Variants in ADGRL4 observed in about 807,000 individuals in gnomAD.
ADGRL4 encodes adhesion G protein-coupled receptor L4.
In ADGRL4, 90 loss-of-function variants were observed where a neutral mutation model predicts 74.8. The ratio of observed to expected loss-of-function variants is 1.20; its 90% confidence interval spans 1.02 to 1.43. The LOEUF is 1.43. Ranked by LOEUF, ADGRL4 falls within the 40% of genes most tolerant of loss-of-function variation. The pLI, the probability that ADGRL4 is intolerant of heterozygous loss-of-function variation, is 0.00. For missense variants in ADGRL4, 881 were observed against 814.3 expected (o/e 1.08, Z -1.00); for synonymous variants, 311 against 279.2 (o/e 1.11, Z -1.14).
chr1:78,903,583 A>G (rs528410136), intron 12 of ADGRL4, among the ~76,000 whole-genome samples: 2 of 152,152 alleles, frequency 1.3e-5, no homozygotes, highest in Non-Finnish European at 2.9e-5. Context: ...CATATTCATG[A>G]AATGTTTAGA....
chr1:78,949,059 A>C (rs1649669899), intron 2 of ADGRL4, among the ~76,000 whole-genome samples: 1 of 152,118 alleles, frequency 6.6e-6, no homozygotes, highest in African/African-American at 2.4e-5. Flanking sequence ...ACTTTAAAAG[A>C]AATTGGCTCT....
intron 2 of ADGRL4, among the ~76,000 whole-genome samples, chr1:78,996,027 G>T (rs532019404): frequency 1.4e-4 from 21 of 152,098 alleles, no homozygotes; most frequent in Non-Finnish European, 2.9e-4. Flanking sequence ...GATTAATCTA[G>T]AAATTATTTT....
At chr1:78,957,451 T>A (rs1468323060) in intron 2 of ADGRL4, among the ~76,000 whole-genome samples, 1 of 152,146 alleles carries the variant, frequency 6.6e-6, no homozygotes, top group Admixed American at 6.6e-5. Context: ...AACATACAAA[T>A]GCTAAGAAAG....
intron 12 of ADGRL4, among the ~76,000 whole-genome samples, chr1:78,913,127 T>A (rs1648797738): frequency 6.6e-6 from 1 of 151,774 alleles, no homozygotes; most frequent in South Asian, 2.1e-4. Context: ...TATTAAAAAG[T>A]CAAAAAATTA....
chr1:78,973,667 T>C (rs1230863553), intron 2 of ADGRL4, among the ~76,000 whole-genome samples: 5 of 149,610 alleles, frequency 3.3e-5, no homozygotes, highest in African/African-American at 1.2e-4. Context: ...TATATATATA[T>C]ATGTTAGCCT....
At chr1:78,991,392 T>C (rs1365538126) in intron 2 of ADGRL4, among the ~76,000 whole-genome samples, 5 of 152,048 alleles carry the variant, frequency 3.3e-5, no homozygotes, top group African/African-American at 1.2e-4. Flanking sequence ...CACAATTTGC[T>C]TTAAGTATCT....
intron 12 of ADGRL4, among the ~76,000 whole-genome samples, chr1:78,904,839 A>G (rs1024122980): frequency 6.6e-6 from 1 of 152,054 alleles, no homozygotes; most frequent in African/African-American, 2.4e-5. Context: ...TACATAATTA[A>G]TGTAAAGTAC....
intron 2 of ADGRL4, among the ~76,000 whole-genome samples, chr1:79,000,415 G>A (rs564921311): frequency 6.6e-5 from 10 of 152,138 alleles, no homozygotes; most frequent in Admixed American, 2.0e-4. Context: ...CCAGGTCAGC[G>A]AAGTCTTTGG....
intron 7 of ADGRL4, among the ~76,000 whole-genome samples, chr1:78,933,341 T>C (rs573329854): frequency 1.3e-5 from 2 of 151,570 alleles, no homozygotes; most frequent in Admixed American, 1.3e-4. Flanking sequence ...CATGATCATC[T>C]CAATAGATGC....
At chr1:78,930,237 A>C (rs1649209921) in intron 7 of ADGRL4, among the ~76,000 whole-genome samples, 1 of 151,068 alleles carries the variant, frequency 6.6e-6, no homozygotes, top group Non-Finnish European at 1.5e-5. Flanking sequence ...TATTACCTAG[A>C]GAAAATAGGA....
At chr1:78,988,597 T>G (rs919557780) in intron 2 of ADGRL4, among the ~76,000 whole-genome samples, 4 of 151,810 alleles carry the variant, frequency 2.6e-5, no homozygotes, top group African/African-American at 7.2e-5. Context: ...GATGAATGCC[T>G]CAACAGCCAT....
chr1:78,993,052 A>C (rs927415480), intron 2 of ADGRL4, among the ~76,000 whole-genome samples: 1 of 152,140 alleles, frequency 6.6e-6, no homozygotes, highest in Non-Finnish European at 1.5e-5. Flanking sequence ...AACAGTAGAA[A>C]AATAATATTT....
chr1:78,950,076 G>T (rs1459056575), intron 2 of ADGRL4, among the ~76,000 whole-genome samples: 4 of 152,118 alleles, frequency 2.6e-5, no homozygotes. Flanking sequence ...GAGGTATTTA[G>T]TAGTACAGTG....
chr1:78,909,267 C>A (rs1382195980), intron 12 of ADGRL4, among the ~76,000 whole-genome samples: 6 of 151,896 alleles, frequency 4.0e-5, no homozygotes, highest in Non-Finnish European at 7.4e-5. Flanking sequence ...GTACAGTGCC[C>A]AAACCATGAT....
At chr1:79,005,386 G>A (rs1285481950) in intron 1 of ADGRL4, among the ~76,000 whole-genome samples, 167 bp from the exon 2 acceptor site, 1 of 152,128 alleles carries the variant, frequency 6.6e-6, no homozygotes, top group Non-Finnish European at 1.5e-5. Flanking sequence ...ACAAAAGCAA[G>A]TAAGTAAAAC....
chr1:78,954,198 T>A (rs1398054694), intron 2 of ADGRL4, among the ~76,000 whole-genome samples: 2 of 151,954 alleles, frequency 1.3e-5, no homozygotes, highest in Non-Finnish European at 2.9e-5. Flanking sequence ...CTGCACCTAG[T>A]AGGGTTCATA....
Position 78,943,661 on chromosome 1 carries a change from G to A in ADGRL4, c.325+2613C>T, listed in dbSNP as rs971505768. Among the ~76,000 whole-genome samples the A allele has an allele frequency of 5.9e-5, 9 of 152,144 alleles. No homozygotes were observed. The East Asian group carries it at 9.7e-4, about 16-fold the overall frequency. ...ATACACTGTAAGGTGATATACTAAC[G>A]CAAAAGGGAGTAGATTTATGTTTCT... is the stretch of plus-strand genomic sequence containing the variant. On this transcript the variant is annotated intron_variant, in intron 3 of 14. Transcript: ENST00000370742.
Position 78,936,540 on chromosome 1 carries a change from A to G in ADGRL4, c.761-129T>C, listed in dbSNP as rs1557504118. On this transcript the variant is annotated intron_variant, in intron 6 of 14. Coordinates refer to ENST00000370742, the MANE Select transcript of ADGRL4 (RefSeq NM_022159.4). ...AAATTATTTATAACAAGTAGAGTGA[A>G]CATTCTTAATGTGTTTGGACAATGT... The G allele has an allele frequency of 4.6e-6, 4 of 861,246 alleles. 1 individual carries two copies. The highest frequency in any genetic ancestry group is 6.7e-6 in the Non-Finnish European group (4 of 601,178). The allele number at this position is 861,246 out of a possible 1,614,324, so 53.4% of individuals were successfully genotyped here.
Position 79,006,646 on chromosome 1 carries a change from G to A in ADGRL4, c.9C>T (p.Arg3=). The A allele has an allele frequency of 6.6e-7, 1 of 1,516,032 alleles. No homozygotes were observed. The highest frequency in any genetic ancestry group is 1.2e-5 in the South Asian group (1 of 80,348). 93.9% of individuals were successfully genotyped at this position (1,516,032 alleles called of 1,614,324 possible). The part of the protein sequence containing the change: MK[R]LPLLVVFSTL... Reference sequence around the variant, plus strand: ...CTGAGCACTCACCTAGGAGCGGGAGGCGTTTCATTGGCGGTGGCCGCAGTG... The same window carrying A: ...CTGAGCACTCACCTAGGAGCGGGAGACGTTTCATTGGCGGTGGCCGCAGTG... The change falls in exon 1 of 15, where the codon CGC becomes CGT. Residue 3 remains arginine, a synonymous_variant. Transcript: ENST00000370742.
Sources: gnomAD v4.1 joint callset for allele counts (sites outside exome capture counted in the v4.1 genomes callset) on GRCh38, gnomAD v4.1.1 for gene constraint, MANE v1.5 for transcripts, NCBI Gene and HGNC (gene_info 2026-07-23, HGNC 2026-07-21) for gene names.